Variants in POMP observed in about 807,000 individuals in gnomAD.
The protein encoded by POMP is 2510048O06Rik.
Under a neutral mutation model 20.6 loss-of-function variants are expected in POMP, and 12 were observed. The ratio of observed to expected loss-of-function variants is 0.58; its 90% CI spans 0.37 to 0.94. The LOEUF (loss-of-function observed/expected upper bound fraction) is 0.94. Ranked by LOEUF, POMP falls within the 40% of genes least tolerant of loss-of-function variation. The pLI is 0.01. For synonymous variants in POMP, 53 were observed against 55.0 expected (o/e 0.96, Z 0.16); for missense variants, 136 against 161.1 (o/e 0.84, Z 0.84).
intron 2 of POMP, 64 bp from the exon 3 acceptor site, chr13:28,664,445 T>G: frequency 1.8e-6 from 2 of 1,128,186 alleles, no homozygotes; most frequent in Non-Finnish European, 2.6e-6. Flanking sequence ...GATATGATTT[T>G]GAGCTCTGGG....
intron 2 of POMP, 77 bp downstream of exon 2, chr13:28,662,584 G>A: frequency 1.6e-6 from 2 of 1,212,546 alleles, no homozygotes; most frequent in Admixed American, 1.7e-5. Context: ...ATTTTGATAG[G>A]CTATACATGT....
intron 2 of POMP, 23 bp from the exon 3 acceptor site, chr13:28,664,483 ATGT>A: frequency 6.8e-7 from 1 of 1,468,346 alleles, no homozygotes; most frequent in Non-Finnish European, 9.5e-7. Flanking sequence ...TCTCCTCTAA[ATGT>A]TTTTTTTTTA....
intron 5 of POMP, among the ~76,000 whole-genome samples, chr13:28,676,035 C>G (rs1003009616): frequency 6.6e-6 from 1 of 151,936 alleles, no homozygotes. Context: ...TTTTTTTTCT[C>G]TCTCTGTCAC....
At chr13:28,673,442 C>T (rs1046339834) in intron 5 of POMP, among the ~76,000 whole-genome samples, 29 of 152,198 alleles carry the variant, frequency 1.9e-4, no homozygotes, top group Non-Finnish European at 4.0e-4. Context: ...ATGCAGCATC[C>T]TCTATTTTTT....
chr13:28,669,194 A>G (rs1884498601), intron 4 of POMP, among the ~76,000 whole-genome samples: 1 of 152,086 alleles, frequency 6.6e-6, no homozygotes, highest in Non-Finnish European at 1.5e-5. Context: ...AAAGTTGTCT[A>G]CATTTGCTTT....
At position 28,678,120 on chromosome 13, in the gene POMP, A is replaced by T; in HGVS notation, c.*18A>T. The T allele has an allele frequency of 6.2e-7, 1 of 1,606,598 alleles. No individual in the cohort carries two copies. The highest frequency in any genetic ancestry group is 1.7e-4 in the Middle Eastern group (1 of 6,054). On this transcript the variant is annotated 3_prime_UTR_variant, in exon 6 of 6. Coordinates refer to ENST00000380842, the MANE Select transcript of POMP (RefSeq NM_015932.6). ...TACTGTAATAGTGTGCTGTTCATGG[A>T]AACCGAGGGCTGCATCTTGTTTATA...
intron 3 of POMP, among the ~76,000 whole-genome samples, chr13:28,666,962 C>T (rs926108487): frequency 6.6e-6 from 1 of 152,166 alleles, no homozygotes; most frequent in Non-Finnish European, 1.5e-5. Flanking sequence ...TGCTGCCAAA[C>T]ATCCTACAGT....
At chr13:28,667,131 C>T (rs1348533787) in intron 3 of POMP, among the ~76,000 whole-genome samples, 2 of 152,178 alleles carry the variant, frequency 1.3e-5, no homozygotes, top group East Asian at 1.9e-4. Flanking sequence ...ATTTTGCACA[C>T]GGTTGCTAAC....
At position 28,678,038 on chromosome 13, in the gene POMP, C is replaced by G. The variant is rs1406787271; in HGVS notation, c.362C>G (p.Pro121Arg). 1 of 1,613,562 alleles carries G rather than the reference C, an allele frequency of 6.2e-7. No homozygotes were observed. The highest frequency in any genetic ancestry group is 8.5e-7 in the Non-Finnish European group (1 of 1,179,692). The change falls in exon 6 of 6, where the codon CCA becomes CGA. Residue 121 changes from proline (P) to arginine (R), a missense_variant. Transcript: ENST00000380842. Reference sequence around the variant, plus strand: ...GTTTGTTTTTGTTTGCTTTCAGATCCATCACAAAGCGAAGTCATGGGAGAG... The same window carrying G: ...GTTTGTTTTTGTTTGCTTTCAGATCGATCACAAAGCGAAGTCATGGGAGAG... The part of the protein sequence containing the change: ...TIGFEDILND[P>R]SQSEVMGEPH...
chr13:28,659,541 C>T (rs1884297247), intron 1 of POMP, among the ~76,000 whole-genome samples: 1 of 152,156 alleles, frequency 6.6e-6, no homozygotes, highest in African/African-American at 2.4e-5. Context: ...GTGGCGCTGG[C>T]GACCCTTTCC....
intron 3 of POMP, among the ~76,000 whole-genome samples, chr13:28,665,421 A>C (rs1463595951): frequency 6.6e-6 from 1 of 152,194 alleles, no homozygotes; most frequent in Non-Finnish European, 1.5e-5. Context: ...AGATGAGAAA[A>C]ATAAAAAAAT....
intron 3 of POMP, among the ~76,000 whole-genome samples, chr13:28,667,444 C>G (rs971618152): frequency 1.3e-5 from 2 of 152,136 alleles, no homozygotes; most frequent in African/African-American, 4.8e-5. Flanking sequence ...TTAAAGCAAA[C>G]CCTTCACTTA....
intron 5 of POMP, among the ~76,000 whole-genome samples, chr13:28,674,402 G>C (rs758909138): frequency 2.3e-4 from 35 of 152,198 alleles, no homozygotes; most frequent in Non-Finnish European, 4.4e-4. Flanking sequence ...CAGTAAACCT[G>C]CCTGTCCTGT....
rs1566106550 is a variant in POMP at position 28,662,369 on chromosome 13, A to T, written c.4-41A>T. 2.7e-6 allele frequency: 4 copies of T among 1,494,206 alleles called. No individual in the cohort carries two copies. The South Asian group carries it at 3.4e-5, about 13-fold the overall frequency. 92.6% of individuals were successfully genotyped at this position (1,494,206 alleles called of 1,614,324 possible). A position where few individuals can be genotyped will look rare whatever the true frequency, so the allele number is the denominator to read the frequency against. The stretch of plus-strand genomic sequence containing the variant: ...CACAGCTGCCTGGGTGTGTGTTTAA[A>T]TTTTTTTTCTATTTAATAATGTTTT... On this transcript the variant is annotated intron_variant, in intron 1 of 5. Coordinates refer to ENST00000380842, the MANE Select transcript of POMP (RefSeq NM_015932.6).
chr13:28,662,491 G>T lies in POMP; in HGVS notation c.85G>T (p.Asp29Tyr). ...LSASGPFESH[D>Y]LLRKGFSCVK... is the part of the protein sequence containing the mutation. The stretch of plus-strand genomic sequence containing the variant: ...AGCAAGTGGACCTTTTGAAAGTCAT[G>T]ATCTTCTTCGGAAAGGGTATATGGG... The change falls in exon 2 of 6, where the codon GAT (aspartate) becomes TAT (tyrosine). Residue 29 changes from aspartate (D) to tyrosine (Y), a missense_variant. Physicochemically the swap from Asp to Tyr is radical, Grantham distance 160. Coordinates refer to ENST00000380842, the MANE Select transcript of POMP (RefSeq NM_015932.6). 6.2e-7 allele frequency: 1 copy of T among 1,611,936 alleles called. No homozygotes were observed. The highest frequency in any genetic ancestry group is 8.5e-7 in the Non-Finnish European group (1 of 1,178,024).
chr13:28,666,724 A>C (rs1386422796), intron 3 of POMP, among the ~76,000 whole-genome samples: 2 of 152,224 alleles, frequency 1.3e-5, no homozygotes, highest in Non-Finnish European at 2.9e-5. Context: ...CATCCTTGGC[A>C]TATTGCTGGC....
chr13:28,673,920 A>G (rs1277863632), intron 5 of POMP, among the ~76,000 whole-genome samples: 1 of 152,264 alleles, frequency 6.6e-6, no homozygotes, highest in Non-Finnish European at 1.5e-5. Context: ...AGATAAACAC[A>G]TAAACACAAA....
intron 5 of POMP, among the ~76,000 whole-genome samples, chr13:28,674,687 AAAG>A (rs1884600533): frequency 1.3e-5 from 2 of 152,162 alleles, no homozygotes; most frequent in African/African-American, 4.8e-5. Flanking sequence ...GAATGCAAAA[AAAG>A]GCCATTGAGC....
At position 28,659,205 on chromosome 13, in the gene POMP, C is replaced by T; in HGVS notation, c.3+18C>T. On this transcript the variant is annotated intron_variant, in intron 1 of 5. Coordinates refer to ENST00000380842, the MANE Select transcript of POMP (RefSeq NM_015932.6). ...GGAAGATGGTGAGTGGGTACCCGGG[C>T]GGCTGGAGTTCCACGCGGGCTCGGG... 1 of 1,587,590 alleles carries T rather than the reference C, an allele frequency of 6.3e-7. No individual in the cohort carries two copies. Among genetic ancestry groups the T allele is most frequent in the African/African-American group, 1.3e-5 (1 of 74,322 alleles).
Sources: gnomAD v4.1 joint callset for allele counts (sites outside exome capture counted in the v4.1 genomes callset) on GRCh38, gnomAD v4.1.1 for gene constraint, MANE v1.5 for transcripts, NCBI Gene and HGNC (gene_info 2026-07-23, HGNC 2026-07-21) for gene names.